SLC44A1: variants seen among roughly 807,000 people sequenced by gnomAD.
The protein encoded by SLC44A1 is solute carrier family 44 member 1, also known as choline transporter-like protein 1.
In SLC44A1, 26 loss-of-function variants were observed where a neutral mutation model predicts 79.3. The observed-to-expected ratio is 0.33, with a 90% CI of 0.24 to 0.46. The LOEUF is 0.46. Among genes scored for constraint, SLC44A1 ranks in the 20% least tolerant of loss-of-function variants. The pLI is 1.00. For synonymous variants in SLC44A1, 263 were observed against 286.2 expected, an observed-to-expected ratio of 0.92 and a Z score of 0.82; for missense variants, 688 against 798.1, an observed-to-expected ratio of 0.86 and a Z score of 1.66.
chr9:105,351,630 A>ACG, intron 5 of SLC44A1, among the ~76,000 whole-genome samples: 1 of 38,142 alleles, frequency 2.6e-5, no homozygotes, highest in South Asian at 1.3e-3. Context: ...AAGAGAGAGA[A>ACG]AGAGAAAGAA....
chr9:105,370,954 A>G (rs1828079679), intron 12 of SLC44A1, among the ~76,000 whole-genome samples: 1 of 152,190 alleles, frequency 6.6e-6, no homozygotes, highest in South Asian at 2.1e-4. Context: ...ATATGGTAGG[A>G]TATTTTCTCC....
intron 15 of SLC44A1, among the ~76,000 whole-genome samples, chr9:105,416,936 A>C (rs1403472020): frequency 6.6e-6 from 1 of 152,258 alleles, no homozygotes; most frequent in African/African-American, 2.4e-5. Flanking sequence ...AATTTCATGC[A>C]GATTAAACAC....
chr9:105,263,669 G>T (rs868844508), intron 1 of SLC44A1, among the ~76,000 whole-genome samples: 29 of 151,778 alleles, frequency 1.9e-4, no homozygotes, highest in African/African-American at 6.3e-4. Flanking sequence ...CCTAGTAGCT[G>T]GGATTACAGG....
chr9:105,381,291 G>C (rs1828455597), intron 13 of SLC44A1, among the ~76,000 whole-genome samples: 1 of 152,052 alleles, frequency 6.6e-6, no homozygotes, highest in African/African-American at 2.4e-5. Flanking sequence ...TGTAATCCCA[G>C]CACTTTGGGA....
chr9:105,410,161 C>A (rs1255216759), intron 15 of SLC44A1, among the ~76,000 whole-genome samples: 1 of 152,080 alleles, frequency 6.6e-6, no homozygotes, highest in African/African-American at 2.4e-5. Flanking sequence ...ATCTTCATGA[C>A]CTTGGATTGG....
chr9:105,394,678 G>A lies in SLC44A1; in HGVS notation c.*5622G>A. ...TAAAATATATTTGTCAACATGTCCA[G>A]TTCCAACAACAGTTGAAGATGATGA... On this transcript the variant is annotated 3_prime_UTR_variant, in exon 16 of 16. Coordinates refer to ENST00000374720, the MANE Select transcript of SLC44A1 (RefSeq NM_080546.5). 8 of 985,322 alleles carry A rather than the reference G, an allele frequency of 8.1e-6. No homozygotes were observed. The highest frequency in any genetic ancestry group is 9.6e-6 in the Non-Finnish European group (8 of 829,874). The allele number at this position is 985,322 out of a possible 1,614,324, so 61.0% of individuals were successfully genotyped here.
chr9:105,327,110 A>G (rs900099406), intron 3 of SLC44A1, among the ~76,000 whole-genome samples: 1 of 152,102 alleles, frequency 6.6e-6, no homozygotes, highest in Non-Finnish European at 1.5e-5. Flanking sequence ...TAAACTTTTG[A>G]AATCTCCTTT....
At chr9:105,415,812 C>T (rs577075176) in intron 15 of SLC44A1, among the ~76,000 whole-genome samples, 7 of 151,522 alleles carry the variant, frequency 4.6e-5, no homozygotes, top group East Asian at 1.9e-4. Context: ...GATTATCTTA[C>T]ATGTTTCTTA....
At position 105,390,209 on chromosome 9, in the gene SLC44A1, A is replaced by G. The variant is rs752509571; in HGVS notation, c.*1153A>G. On this transcript the variant is annotated 3_prime_UTR_variant, in exon 16 of 16. Transcript: ENST00000374720. ...GGGTTTTTTGCTTTTTTATTCCTGA[A>G]GCTTACCAGATATGAATGGCTAATA... 8.8e-7 allele frequency: 1 copy of G among 1,137,032 alleles called. No homozygotes were observed. Among genetic ancestry groups the G allele is most frequent in the South Asian group, 4.3e-5 (1 of 23,468 alleles). 70.4% of individuals were successfully genotyped at this position (1,137,032 alleles called of 1,614,324 possible). A position where few individuals can be genotyped will look rare whatever the true frequency, so the allele number is the denominator to read the frequency against.
chr9:105,391,607 A>G lies in SLC44A1; in HGVS notation c.*2551A>G. 2.0e-5 allele frequency: 20 copies of G among 984,982 alleles called. No homozygotes were observed. The highest frequency in any genetic ancestry group is 2.4e-5 in the Non-Finnish European group (20 of 829,546). 61.0% of individuals were successfully genotyped at this position (984,982 alleles called of 1,614,324 possible). ...CTTGATTAATTTGATAAAGCCTCAC[A>G]GAGGATTTTAAGCAATATTTAAATG... On this transcript the variant is annotated 3_prime_UTR_variant, in exon 16 of 16. Transcript: ENST00000374720.
chr9:105,342,899 A>C, intron 4 of SLC44A1, among the ~76,000 whole-genome samples: 1 of 151,914 alleles, frequency 6.6e-6, no homozygotes. Context: ...CAGCCTACTG[A>C]GAGGCCAAGG....
At chr9:105,261,532 G>A (rs1829838594) in intron 1 of SLC44A1, among the ~76,000 whole-genome samples, 1 of 152,178 alleles carries the variant, frequency 6.6e-6, no homozygotes, top group Non-Finnish European at 1.5e-5. Context: ...AAGGGAAGAT[G>A]CTGAAAAGTA....
chr9:105,284,443 A>G (rs974711766), intron 1 of SLC44A1, among the ~76,000 whole-genome samples: 6 of 152,126 alleles, frequency 3.9e-5, no homozygotes, highest in Non-Finnish European at 7.4e-5. Flanking sequence ...TTTGATCTCT[A>G]TAAGATGATT....
chr9:105,375,259 C>CT (rs1828242673), intron 13 of SLC44A1, among the ~76,000 whole-genome samples: 2 of 152,224 alleles, frequency 1.3e-5, no homozygotes, highest in South Asian at 2.1e-4. Flanking sequence ...AGGCTGGTCT[C>CT]TAACTCCTGA....
At chr9:105,363,424 C>T (rs1394886430) in intron 9 of SLC44A1, among the ~76,000 whole-genome samples, 1 of 151,920 alleles carries the variant, frequency 6.6e-6, no homozygotes, top group African/African-American at 2.4e-5. Flanking sequence ...CCTGCCTTGG[C>T]CTCCCAAAGT....
In SLC44A1 at chr9:105,302,386, C is replaced by T. The variant is rs561854509; in HGVS notation, c.126+3077C>T. Among the ~76,000 whole-genome samples, 4 of 151,522 alleles carry T rather than the reference C, an allele frequency of 2.6e-5. No homozygotes were observed. The South Asian group carries it at 8.3e-4, about 32-fold the overall frequency. ...TCTTTTTTTTTGAGACAGAGTCTTGCTCTGTCATTCAGGCTAGAGTGCAGG... is the reference window on the plus strand; with the variant it reads ...TCTTTTTTTTTGAGACAGAGTCTTGTTCTGTCATTCAGGCTAGAGTGCAGG... On this transcript the variant is annotated intron_variant, in intron 2 of 15. Coordinates refer to ENST00000374720, the MANE Select transcript of SLC44A1 (RefSeq NM_080546.5).
chr9:105,272,425 A>G (rs964207235), intron 1 of SLC44A1, among the ~76,000 whole-genome samples: 2 of 152,144 alleles, frequency 1.3e-5, no homozygotes, highest in African/African-American at 4.8e-5. Context: ...ATAATCTTCA[A>G]TGCAGTGCTA....
At position 105,419,381 on chromosome 9, in the gene SLC44A1, T is replaced by C. The variant is rs543574568; in HGVS notation, c.1951-18900T>C. ...GATAAGAAAGGAGATTGTGCCTTCA[T>C]TGTAGTTTTATAAAGAGAGTATCTT... On this transcript the variant is annotated intron_variant, in intron 15 of 15. Coordinates refer to the SLC44A1 transcript ENST00000374724. Among the ~76,000 whole-genome samples the C allele has an allele frequency of 2.6e-5, 4 of 152,318 alleles. No individual in the cohort carries two copies. In the South Asian group the frequency reaches 6.2e-4, roughly 24 times the overall value.
At chr9:105,343,788 T>C (rs1827170563) in intron 4 of SLC44A1, among the ~76,000 whole-genome samples, 1 of 152,232 alleles carries the variant, frequency 6.6e-6, no homozygotes, top group African/African-American at 2.4e-5. Flanking sequence ...GTTTGCAGTA[T>C]AGTTGAGTCA....
Sources: gnomAD v4.1 joint callset for allele counts (sites outside exome capture counted in the v4.1 genomes callset) on GRCh38, gnomAD v4.1.1 for gene constraint, MANE v1.5 for transcripts, NCBI Gene and HGNC (gene_info 2026-07-23, HGNC 2026-07-21) for gene names.